Variants in LRPAP1 observed in about 807,000 individuals in gnomAD.
LRPAP1 encodes the protein alpha-2-macroglobulin receptor-associated protein.
Under a neutral mutation model 39.9 loss-of-function variants are expected in LRPAP1, and 41 were observed. The ratio of observed to expected loss-of-function variants is 1.03; its 90% CI spans 0.80 to 1.33. LRPAP1 has a LOEUF of 1.33. Ranked by LOEUF, LRPAP1 falls within the 40% of genes most tolerant of loss-of-function variation. LRPAP1 has a pLI of 0.00. For synonymous variants in LRPAP1, 263 were observed against 212.7 expected (o/e 1.24, Z -2.06); for missense variants, 565 against 482.3 (o/e 1.17, Z -1.61).
In LRPAP1 at chr4:3,525,027, C is replaced by T; in HGVS notation, c.229G>A (p.Ala77Thr). 6.2e-7 allele frequency: 1 copy of T among 1,614,022 alleles called. No homozygotes were observed. The highest frequency in any genetic ancestry group is 1.1e-5 in the South Asian group (1 of 91,082). Residue 77 changes from alanine to threonine, a missense_variant, in exon 2 of 8, where the codon GCC becomes ACC. Physicochemically the swap from Ala to Thr is moderately conservative, Grantham distance 58. Coordinates refer to ENST00000650182, the MANE Select transcript of LRPAP1 (RefSeq NM_002337.4). Reference protein sequence around the residue: ...QRLHLPPVRLAELHADLKIQE... With the variant: ...QRLHLPPVRLTELHADLKIQE... ...ATCTTCAGATCAGCGTGGAGCTCGGCCAGCCTCACGGGAGGAAGATGCAGC... is the reference window on the plus strand; with the variant it reads ...ATCTTCAGATCAGCGTGGAGCTCGGTCAGCCTCACGGGAGGAAGATGCAGC...
At position 3,503,834 on chromosome 4, in the gene LRPAP1, A is replaced by C. The variant is rs1577196653; in HGVS notation, c.*9140T>G. The C allele has an allele frequency of 1.3e-5, 2 of 152,402 alleles. No individual in the cohort carries two copies. The highest frequency in any genetic ancestry group is 3.9e-4 in the East Asian group (2 of 5,188). 9.4% of individuals were successfully genotyped at this position (152,402 alleles called of 1,614,324 possible). A position where few individuals can be genotyped will look rare whatever the true frequency, so the allele number is the denominator to read the frequency against. On this transcript the variant is annotated 3_prime_UTR_variant, in exon 8 of 8. Coordinates refer to ENST00000650182, the MANE Select transcript of LRPAP1 (RefSeq NM_002337.4). The stretch of plus-strand genomic sequence containing the variant: ...AAAACACATGCTGCAGTAAATACTG[A>C]ATTTCTCCTTAAGAGCTGTGGGAAT...
rs1729483601 is a variant in LRPAP1 at position 3,510,812 on chromosome 4, T to C, written c.*2162A>G. The C allele has an allele frequency of 6.6e-6, 1 of 152,270 alleles. No homozygotes were observed. Among genetic ancestry groups the C allele is most frequent in the South Asian group, 2.1e-4 (1 of 4,834 alleles). 9.4% of individuals were successfully genotyped at this position (152,270 alleles called of 1,614,324 possible). A position where few individuals can be genotyped will look rare whatever the true frequency, so the allele number is the denominator to read the frequency against. ...CCCAGAGCCATGCACGTGGAACCCA[T>C]GGCAGGCGGGAGGTAGGGAGCTGCG... On this transcript the variant is annotated 3_prime_UTR_variant, in exon 8 of 8. Transcript: ENST00000650182.
At chr4:3,530,415 C>G (rs942289459) in intron 1 of LRPAP1, among the ~76,000 whole-genome samples, 1 of 152,228 alleles carries the variant, frequency 6.6e-6, no homozygotes, top group South Asian at 2.1e-4. Context: ...GGAAGACACA[C>G]AAAATCCCCC....
chr4:3,521,806 G>A (rs1413275651), intron 2 of LRPAP1, among the ~76,000 whole-genome samples: 3 of 152,302 alleles, frequency 2.0e-5, no homozygotes, highest in African/African-American at 7.2e-5. Flanking sequence ...ACCACATGCT[G>A]GGCCTGTCTT....
intron 6 of LRPAP1, 27 bp downstream of exon 6, chr4:3,516,089 T>TAGAAGGAG: frequency 1.3e-6 from 2 of 1,555,552 alleles, no homozygotes; most frequent in Non-Finnish European, 1.7e-6. Flanking sequence ...AGGAGAGAGC[T>TAGAAGGAG]AGAAGGAGAG....
intron 2 of LRPAP1, 33 bp from the exon 3 acceptor site, chr4:3,520,226 T>C (rs756969226): frequency 1.3e-6 from 2 of 1,598,670 alleles, no homozygotes; most frequent in East Asian, 2.2e-5. Flanking sequence ...TTTGATATGG[T>C]TTCCTGTGAA....
intron 1 of LRPAP1, among the ~76,000 whole-genome samples, chr4:3,529,938 G>A (rs971730303): frequency 1.3e-5 from 2 of 152,184 alleles, no homozygotes; most frequent in African/African-American, 2.4e-5. Context: ...AGCGCAGGTC[G>A]CAGGAGGCTG....
At chr4:3,515,041 C>A in intron 6 of LRPAP1, 113 bp from the exon 7 acceptor site, 2 of 1,250,808 alleles carry the variant, frequency 1.6e-6, no homozygotes, top group East Asian at 4.7e-5. Flanking sequence ...CGGGGCAGGA[C>A]AGGCCTTGCG....
rs1019500153 is a variant in LRPAP1, at chr4:3,504,191, G to A, written c.*8783C>T. On this transcript the variant is annotated 3_prime_UTR_variant, in exon 8 of 8. Transcript: ENST00000650182. ...AGATCTGGCCTGCGGCCCTTCAGGG[G>A]TCAGCATGACTTGTGTGGGTCAGAA... 1 of 152,326 alleles carries A rather than the reference G, an allele frequency of 6.6e-6. No homozygotes were observed. The highest frequency in any genetic ancestry group is 1.5e-5 in the Non-Finnish European group (1 of 68,098). The allele number at this position is 152,326 out of a possible 1,614,324, so 9.4% of individuals were successfully genotyped here.
At position 3,518,020 on chromosome 4, in the gene LRPAP1, G is replaced by A. The variant is rs753695542; in HGVS notation, c.751+14C>T. 20 of 1,591,714 alleles carry A rather than the reference G, an allele frequency of 1.3e-5. No homozygotes were observed. The highest frequency in any genetic ancestry group is 8.1e-5 in the African/African-American group (6 of 74,516). On this transcript the variant is annotated intron_variant, in intron 5 of 7. Coordinates refer to ENST00000650182, the MANE Select transcript of LRPAP1 (RefSeq NM_002337.4). ...CCCACCCTCGGGAACCAACAGTCCC[G>A]GGCGGGCACTCACCAGCCTCAGTGC...
chr4:3,515,791 C>T (rs1390613008), intron 6 of LRPAP1: 1 of 403,382 alleles, frequency 2.5e-6, no homozygotes, highest in East Asian at 5.4e-5. Flanking sequence ...CCGGTAGTGT[C>T]CTTGGTCCCC....
At position 3,508,914 on chromosome 4, in the gene LRPAP1, A is replaced by C. The variant is rs1421167506; in HGVS notation, c.*4060T>G. The C allele has an allele frequency of 6.6e-6, 1 of 152,186 alleles. No homozygotes were observed. Among genetic ancestry groups the C allele is most frequent in the Non-Finnish European group, 1.5e-5 (1 of 68,028 alleles). The allele number at this position is 152,186 out of a possible 1,614,324, so 9.4% of individuals were successfully genotyped here. On this transcript the variant is annotated 3_prime_UTR_variant, in exon 8 of 8. Transcript: ENST00000650182. ...CCAGTGCAGTGAGAAGCCGAGGCACAGACTGACAAGGGGAAGCAAAGCCAC... is the reference window on the plus strand; with the variant it reads ...CCAGTGCAGTGAGAAGCCGAGGCACCGACTGACAAGGGGAAGCAAAGCCAC...
At chr4:3,513,068 C>T (rs1222581685) in intron 7 of LRPAP1, 32 bp from the exon 8 acceptor site, 1 of 1,578,538 alleles carries the variant, frequency 6.3e-7, no homozygotes, top group Non-Finnish European at 8.7e-7. Context: ...CAGCTGGGGA[C>T]AGCGCGCCTC....
chr4:3,529,165 A>G (rs956823897), intron 1 of LRPAP1, among the ~76,000 whole-genome samples: 2 of 152,046 alleles, frequency 1.3e-5, no homozygotes, highest in Non-Finnish European at 2.9e-5. Flanking sequence ...TCTACTAAAA[A>G]TATAAAAATT....
intron 3 of LRPAP1, among the ~76,000 whole-genome samples, chr4:3,519,826 T>C (rs974195636): frequency 2.0e-5 from 3 of 152,250 alleles, no homozygotes; most frequent in Non-Finnish European, 2.9e-5. Flanking sequence ...GCTGAAGGTC[T>C]GACAGCTGCA....
chr4:3,525,244 C>T, intron 1 of LRPAP1, 193 bp from the exon 2 acceptor site: 1 of 618,820 alleles, frequency 1.6e-6, no homozygotes, highest in Non-Finnish European at 2.9e-6. Context: ...AGTCTCTAGG[C>T]CTGTCTGTAT....
At chr4:3,525,372 G>A (rs1024450897) in intron 1 of LRPAP1, among the ~76,000 whole-genome samples, 2 of 152,226 alleles carry the variant, frequency 1.3e-5, no homozygotes, top group East Asian at 1.9e-4. Context: ...TCGGGCACTC[G>A]GATAAACAGA....
At chr4:3,516,730 G>A (rs1158513201) in intron 5 of LRPAP1, among the ~76,000 whole-genome samples, 2 of 152,214 alleles carry the variant, frequency 1.3e-5, no homozygotes, top group Non-Finnish European at 2.9e-5. Context: ...TGGTGCTCAC[G>A]AAGGGACGCA....
chr4:3,532,242 C>T lies in LRPAP1; in HGVS notation c.171G>A (p.Glu57=), dbSNP rs1285712126. The part of the protein sequence containing the change: ...KRESGEEFRM[E]KLNQLWEKAQ... ...CCTTCTCCCACAGCTGGTTCAACTT[C>T]TCCATGCGGAACTCCTCTCCGGACT... The change falls in exon 1 of 8, where the codon GAG becomes GAA. Residue 57 remains glutamate (E), a synonymous_variant. Coordinates refer to ENST00000650182, the MANE Select transcript of LRPAP1 (RefSeq NM_002337.4). 1 of 1,551,498 alleles carries T rather than the reference C, an allele frequency of 6.4e-7. No homozygotes were observed. The highest frequency in any genetic ancestry group is 1.2e-5 in the South Asian group (1 of 84,198).
Sources: gnomAD v4.1 joint callset for allele counts (sites outside exome capture counted in the v4.1 genomes callset) on GRCh38, gnomAD v4.1.1 for gene constraint, MANE v1.5 for transcripts, NCBI Gene and HGNC (gene_info 2026-07-23, HGNC 2026-07-21) for gene names.